Variants in MEX3D observed in about 807,000 individuals in gnomAD.
The protein encoded by MEX3D is RNA-binding protein MEX3D.
In MEX3D, 4 loss-of-function variants were observed where a neutral mutation model predicts 6.3. That is an observed-to-expected ratio of 0.64 (90% CI 0.31 to 1.46). MEX3D has a LOEUF of 1.46. Ranked by LOEUF, MEX3D falls within the 40% of genes most tolerant of loss-of-function variation. MEX3D has a pLI of 0.07. For missense variants in MEX3D, 1,038 were observed against 994.4 expected (o/e 1.04, Z -0.59); for synonymous variants, 626 against 494.1 (o/e 1.27, Z -3.54).
At chr19:1,562,908 C>T (rs1862218669) in intron 1 of MEX3D, among the ~76,000 whole-genome samples, 1 of 152,076 alleles carries the variant, frequency 6.6e-6, no homozygotes. Flanking sequence ...ATCCCAGCTA[C>T]TCGGGAGGCT....
rs1197269971 is a variant in MEX3D, at chr19:1,567,909, G to C, written c.150C>G (p.Pro50=). The C allele has an allele frequency of 6.1e-6, 6 of 980,734 alleles. No homozygotes were observed. The highest frequency in any genetic ancestry group is 7.2e-6 in the Non-Finnish European group (6 of 828,428). 60.8% of individuals were successfully genotyped at this position (980,734 alleles called of 1,614,324 possible). ...GCGCGGCGGCCGCGTCGTCGGGTTC[G>C]GGCGGCGGCCGGGGCGCGGGCGCGG... ...QEAAPAPRPP[P]EPDDAAAALR... The change falls in exon 1 of 2, where the codon CCC becomes CCG. Residue 50 remains proline (P), a synonymous_variant. Transcript: ENST00000402693. The surrounding 1 kb of genome is among the most constrained non-coding windows in gnomAD (Gnocchi z 6.5).
chr19:1,566,827 G>A (rs1043196356), intron 1 of MEX3D, among the ~76,000 whole-genome samples: 1 of 152,054 alleles, frequency 6.6e-6, no homozygotes, highest in Admixed American at 6.5e-5. Flanking sequence ...CACACCCGGG[G>A]CCTGCCGCCC....
In MEX3D at chr19:1,555,034, G is replaced by GCCCCCCC. The variant is rs60802257; in HGVS notation, c.*528_*529insGGGGGGG. 2 of 103,740 alleles carry GCCCCCCC rather than the reference G, an allele frequency of 1.9e-5. No homozygotes were observed. Among genetic ancestry groups the GCCCCCCC allele is most frequent in the African/African-American group, 3.1e-5 (1 of 32,740 alleles). The allele number at this position is 103,740 out of a possible 1,614,324, so 6.4% of individuals were successfully genotyped here. ...GAACGCCCCTCGCCCCCGCCCCCCTGCCCCCTCCGGCCGCGCACGGTTGAT... is the reference window on the plus strand; with the variant it reads ...GAACGCCCCTCGCCCCCGCCCCCCTGCCCCCCCCCCCCTCCGGCCGCGCACGGTTGAT... On this transcript the variant is annotated 3_prime_UTR_variant, in exon 2 of 2. Coordinates refer to ENST00000402693, the MANE Select transcript of MEX3D (RefSeq NM_203304.4).
At chr19:1,559,274 G>A (rs1033767709) in intron 1 of MEX3D, among the ~76,000 whole-genome samples, 21 of 152,110 alleles carry the variant, frequency 1.4e-4, no homozygotes, top group Admixed American at 3.9e-4. Context: ...TGGGATTACA[G>A]GCGCCCACCA....
At chr19:1,564,973 C>G (rs939062198) in intron 1 of MEX3D, among the ~76,000 whole-genome samples, 2 of 152,154 alleles carry the variant, frequency 1.3e-5, no homozygotes, top group Admixed American at 6.6e-5. Context: ...ACTACCGAAG[C>G]TGTGGAAGAC....
Position 1,567,988 on chromosome 19 carries a change from G to A in MEX3D, c.71C>T (p.Ala24Val), listed in dbSNP as rs1330249810. Residue 24 changes from alanine to valine, a missense_variant, in exon 1 of 2, where the codon GCG becomes GTG. Coordinates refer to ENST00000402693, the MANE Select transcript of MEX3D (RefSeq NM_203304.4). This position sits in a 1 kb window ranked among gnomAD's most constrained non-coding sequence, Gnocchi z 6.5. ...AGGTCCGGGTCCGGGGTCCTCCCCC[G>A]CCGCCCCCACGCCGCCGCCGCCGCC... ...GGGGGGGVGA[A>V]GEDPGPGPAP... The A allele has an allele frequency of 5.1e-6, 5 of 977,638 alleles. No homozygotes were observed. The highest frequency in any genetic ancestry group is 4.8e-6 in the Non-Finnish European group (4 of 826,980). 60.6% of individuals were successfully genotyped at this position (977,638 alleles called of 1,614,324 possible).
In MEX3D at chr19:1,556,764, G is replaced by A. The variant is rs1317611641; in HGVS notation, c.755C>T (p.Ala252Val). Residue 252 changes from alanine (A) to valine (V), a missense_variant, in exon 2 of 2, where the codon GCC becomes GTC. By Grantham distance (64) the Ala-to-Val change is moderately conservative. Transcript: ENST00000402693. The surrounding 1 kb of genome is among the most constrained non-coding windows in gnomAD (Gnocchi z 7.5). Reference sequence around the variant, plus strand: ...CAGACCCCCGGCCTTGCTGCGCGTGGCGCGGATGATGGAGAAGTGTTCGGC... The same window carrying A: ...CAGACCCCCGGCCTTGCTGCGCGTGACGCGGATGATGGAGAAGTGTTCGGC... The part of the protein sequence containing the change: ...SAAEHFSIIR[A>V]TRSKAGGLPG... 6.2e-7 allele frequency: 1 copy of A among 1,612,468 alleles called. No homozygotes were observed. Among genetic ancestry groups the A allele is most frequent in the Non-Finnish European group, 8.5e-7 (1 of 1,179,740 alleles).
chr19:1,558,683 C>A (rs1914641060), intron 1 of MEX3D, among the ~76,000 whole-genome samples: 1 of 152,222 alleles, frequency 6.6e-6, no homozygotes, highest in African/African-American at 2.4e-5. Flanking sequence ...CAATTTTCTT[C>A]CGGCCAAATG....
In MEX3D at chr19:1,568,217, T is replaced by A. The variant is rs1914907499; in HGVS notation, c.-159A>T. On this transcript the variant is annotated 5_prime_UTR_variant, in exon 1 of 2. Coordinates refer to ENST00000402693, the MANE Select transcript of MEX3D (RefSeq NM_203304.4). ...GGGCGGGGCGGCGGCGGCGCGGGGC[T>A]GCTCGGGGCCGGGCCGGGCCGGGCC... 7.6e-6 allele frequency among the ~76,000 whole-genome samples: 1 copy of A among 130,950 alleles called. No homozygotes were observed. Among genetic ancestry groups the A allele is most frequent in the East Asian group, 2.5e-4 (1 of 3,976 alleles). 85.9% of individuals were successfully genotyped at this position (130,950 alleles called of 152,430 possible).
At chr19:1,559,139 A>C (rs755650444) in intron 1 of MEX3D, among the ~76,000 whole-genome samples, 7 of 150,654 alleles carry the variant, frequency 4.6e-5, no homozygotes, top group Non-Finnish European at 1.0e-4. Flanking sequence ...GCCCAGCTTA[A>C]TTAGTTATTG....
At chr19:1,562,177 C>T (rs529770083) in intron 1 of MEX3D, among the ~76,000 whole-genome samples, 46 of 149,696 alleles carry the variant, frequency 3.1e-4, no homozygotes, top group African/African-American at 9.1e-4. Flanking sequence ...AGAAGAATGG[C>T]GTGAACCTGG....
At position 1,556,174 on chromosome 19, in the gene MEX3D, C is replaced by T. The variant is rs1247012060; in HGVS notation, c.1345G>A (p.Asp449Asn). 2.1e-6 allele frequency: 3 copies of T among 1,457,220 alleles called. No individual in the cohort carries two copies. Among genetic ancestry groups the T allele is most frequent in the Non-Finnish European group, 2.7e-6 (3 of 1,104,070 alleles). The allele number at this position is 1,457,220 out of a possible 1,614,324, so 90.3% of individuals were successfully genotyped here. The change falls in exon 2 of 2, where the codon GAC (aspartate) becomes AAC (asparagine). Residue 449 changes from aspartate (D) to asparagine (N), a missense_variant. Asp to Asn is a conservative substitution (Grantham distance 23, BLOSUM62 1). This residue lies in a region of MEX3D where 581 missense variants were observed against 516.2 expected (regional missense o/e 1.13). Transcript: ENST00000402693. The surrounding 1 kb of genome is among the most constrained non-coding windows in gnomAD (Gnocchi z 7.5). The part of the protein sequence containing the change: ...PGAPVGTAAP[D>N]DCDFGFDFDF... ...AAGTCGAAGCCGAAGTCGCAGTCGT[C>T]GGGGGCGGCCGTCCCCACCGGGGCA...
At chr19:1,563,490 T>C (rs1914769021) in intron 1 of MEX3D, among the ~76,000 whole-genome samples, 1 of 152,124 alleles carries the variant, frequency 6.6e-6, no homozygotes, top group African/African-American at 2.4e-5. Flanking sequence ...GACCCAACCA[T>C]GACCAAGCAC....
rs780335819 is a variant in MEX3D, at chr19:1,556,935, G to A, written c.596-12C>T. The A allele has an allele frequency of 6.3e-7, 1 of 1,584,504 alleles. No individual in the cohort carries two copies. The highest frequency in any genetic ancestry group is 1.7e-5 in the Admixed American group (1 of 57,578). ...CTTGATCTTGCAGCCTGTCCGGGAG[G>A]GAGGGGAAGGACAAGGTGACCCAGA... On this transcript the variant is annotated splice_polypyrimidine_tract_variant and intron_variant, in intron 1 of 1. Coordinates refer to ENST00000402693, the MANE Select transcript of MEX3D (RefSeq NM_203304.4). This position sits in a 1 kb window ranked among gnomAD's most constrained non-coding sequence, Gnocchi z 7.5.
rs867237529 is a variant in MEX3D at position 1,558,948 on chromosome 19, G to A, written c.596-2025C>T. Among the ~76,000 whole-genome samples, 9 of 151,914 alleles carry A rather than the reference G, an allele frequency of 5.9e-5. 1 individual carries two copies. The Middle Eastern group carries it at 0.024, about 410-fold the overall frequency. On this transcript the variant is annotated intron_variant, in intron 1 of 1. Coordinates refer to ENST00000402693, the MANE Select transcript of MEX3D (RefSeq NM_203304.4). ...CAGGTATGGCCTTCTTGGGGTCCCA[G>A]ACATCCCTACCCCACCCCTGGGGCC...
At position 1,555,226 on chromosome 19, in the gene MEX3D, T is replaced by C. The variant is rs1269586193; in HGVS notation, c.*337A>G. The C allele has an allele frequency of 1.7e-6, 2 of 1,198,450 alleles. No homozygotes were observed. Among genetic ancestry groups the C allele is most frequent in the African/African-American group, 3.2e-5 (2 of 62,524 alleles). 74.2% of individuals were successfully genotyped at this position (1,198,450 alleles called of 1,614,324 possible). ...CGCTGGAAAAGTCGTGTTTTTTGTTTTGCTTTTTTAAAGATCACCCTGGAG... is the reference window on the plus strand; with the variant it reads ...CGCTGGAAAAGTCGTGTTTTTTGTTCTGCTTTTTTAAAGATCACCCTGGAG... On this transcript the variant is annotated 3_prime_UTR_variant, in exon 2 of 2. Coordinates refer to ENST00000402693, the MANE Select transcript of MEX3D (RefSeq NM_203304.4).
Position 1,556,892 on chromosome 19 carries a change from T to C in MEX3D, c.627A>G (p.Thr209=). The C allele has an allele frequency of 3.1e-6, 5 of 1,610,766 alleles. No individual in the cohort carries two copies. The highest frequency in any genetic ancestry group is 4.2e-6 in the Non-Finnish European group (5 of 1,179,316). Reference sequence around the variant, plus strand: ...GCACTGGGGTCTTGATGTAGGTGTTTGTCTTGGCCCGCAGGGCCTTGATCT... The same window carrying C: ...GCACTGGGGTCTTGATGTAGGTGTTCGTCTTGGCCCGCAGGGCCTTGATCT... The part of the protein sequence containing the change: ...GCKIKALRAK[T]NTYIKTPVRG... The change falls in exon 2 of 2, where the codon ACA becomes ACG. Residue 209 remains threonine (T), a synonymous_variant. Transcript: ENST00000402693. This position sits in a 1 kb window ranked among gnomAD's most constrained non-coding sequence, Gnocchi z 7.5.
chr19:1,563,732 C>T (rs1354385237), intron 1 of MEX3D, among the ~76,000 whole-genome samples: 3 of 152,148 alleles, frequency 2.0e-5, no homozygotes, highest in Non-Finnish European at 2.9e-5. Flanking sequence ...TCCCCTCACC[C>T]CCAGCCCTCA....
At position 1,567,657 on chromosome 19, in the gene MEX3D, CGGGGGA is replaced by C. The variant is rs1914879401; in HGVS notation, c.396_401del (p.Ser132_Pro134delinsArg). 9 of 1,185,048 alleles carry C rather than the reference CGGGGGA, an allele frequency of 7.6e-6. No homozygotes were observed. The Middle Eastern group carries it at 9.9e-4, about 131-fold the overall frequency. The allele number at this position is 1,185,048 out of a possible 1,614,324, so 73.4% of individuals were successfully genotyped here. A position where few individuals can be genotyped will look rare whatever the true frequency, so the allele number is the denominator to read the frequency against. ...GCGACGGCCGGGGCGGCGGCGGCGG[CGGGGGA>C]CTCGCGTTGGGGTCCAGCAGCGGCA... On this transcript the variant is annotated inframe_deletion, in exon 1 of 2. Transcript: ENST00000402693. This position sits in a 1 kb window ranked among gnomAD's most constrained non-coding sequence, Gnocchi z 6.5.
Sources: allele counts gnomAD v4.1 joint callset (sites outside exome capture counted in the v4.1 genomes callset), GRCh38; gene constraint gnomAD v4.1.1; regional missense constraint gnomAD v4.1.1; non-coding constraint Gnocchi (gnomAD v3.1); transcripts MANE v1.5; gene names NCBI Gene and HGNC (gene_info 2026-07-23, HGNC 2026-07-21).